The following ERG variants were observed in gnomAD, a reference collection of about 807,000 sequenced individuals.
ERG encodes transcriptional regulator ERG.
ERG carries 9 observed loss-of-function variants against 55.3 expected under a neutral mutation model. The observed-to-expected ratio is 0.16, with a 90% CI of 0.10 to 0.28. The LOEUF is 0.28. Ranked by LOEUF, ERG falls within the 10% of genes least tolerant of loss-of-function variation. The pLI, the probability that ERG is intolerant of heterozygous loss-of-function variation, is 1.00. For synonymous variants in ERG, 223 were observed against 237.3 expected (o/e 0.94, Z 0.55); for missense variants, 434 against 631.6 (o/e 0.69, Z 3.35).
intron 8 of ERG, 56 bp downstream of exon 8, chr21:38,391,603 G>A (rs1333960074): frequency 3.7e-6 from 5 of 1,367,580 alleles, no homozygotes; most frequent in Non-Finnish European, 5.1e-6. Flanking sequence ...TTTTAGAAAT[G>A]TGCTGCTGAG....
intron 1 of ERG, among the ~76,000 whole-genome samples, chr21:38,611,348 G>A (rs2060225956): frequency 6.6e-6 from 1 of 152,120 alleles, no homozygotes; most frequent in African/African-American, 2.4e-5. Context: ...ACCCGCCAAT[G>A]CTGGGCTTCC....
chr21:38,485,369 T>A (rs1355900275), intron 1 of ERG, among the ~76,000 whole-genome samples: 2 of 152,146 alleles, frequency 1.3e-5, no homozygotes, highest in African/African-American at 2.4e-5. Context: ...GTCAAAAAGT[T>A]TAAAAAATTA....
At chr21:38,376,358 G>A (rs1174534717), downstream of ERG, among the ~76,000 whole-genome samples, 1 of 152,190 alleles carries the variant, frequency 6.6e-6, no homozygotes. Context: ...ACACTCAGTT[G>A]TTACTCTCGC....
chr21:38,638,651 G>C (rs1430842813), intron 1 of ERG, among the ~76,000 whole-genome samples: 1 of 152,182 alleles, frequency 6.6e-6, no homozygotes, highest in African/African-American at 2.4e-5. Context: ...GCCAGAGGAT[G>C]GGGGGAGTCA....
chr21:38,498,623 T>A, upstream of ERG: 1 of 688,742 alleles, frequency 1.5e-6, no homozygotes, highest in Non-Finnish European at 2.1e-6. The surrounding 1 kb of genome is among the most constrained non-coding windows in gnomAD (Gnocchi z 4.6). Flanking sequence ...CTTGATGATA[T>A]GCAGCCAGGA....
At chr21:38,516,616 C>T (rs994550908) in intron 2 of ERG, among the ~76,000 whole-genome samples, 25 of 151,706 alleles carry the variant, frequency 1.6e-4, no homozygotes, top group Non-Finnish European at 3.1e-4. Flanking sequence ...AAAAAACAAT[C>T]CTAAAATTTA....
At chr21:38,578,684 T>A (rs886697304) in intron 1 of ERG, among the ~76,000 whole-genome samples, 1 of 151,924 alleles carries the variant, frequency 6.6e-6, no homozygotes, top group Non-Finnish European at 1.5e-5. Flanking sequence ...CGTTTGATCA[T>A]CCCATAGACA....
intron 1 of ERG, among the ~76,000 whole-genome samples, chr21:38,604,954 T>C (rs1165979816): frequency 6.6e-6 from 1 of 152,242 alleles, no homozygotes; most frequent in East Asian, 1.9e-4. Flanking sequence ...TCTTGCTTGC[T>C]TCTTTCTAAC....
intron 1 of ERG, chr21:38,471,062 G>A (rs1418448217): frequency 3.3e-5 from 5 of 152,240 alleles, no homozygotes; most frequent in Non-Finnish European, 7.3e-5. Context: ...GAGGTTGCCA[G>A]TGAGCAGTGC....
intron 1 of ERG, among the ~76,000 whole-genome samples, chr21:38,598,179 C>T (rs556997296): frequency 1.6e-4 from 25 of 152,330 alleles, no homozygotes; most frequent in African/African-American, 5.8e-4. Context: ...CCCATTTTCT[C>T]CCAGAACCCC....
chr21:38,414,807 C>A (rs1989208214), intron 3 of ERG, among the ~76,000 whole-genome samples: 1 of 120,324 alleles, frequency 8.3e-6, no homozygotes, highest in South Asian at 2.6e-4. Context: ...ACTGAAATCA[C>A]CTATTTTAAA....
downstream of ERG, among the ~76,000 whole-genome samples, chr21:38,379,436 T>A (rs1987330367): frequency 6.6e-6 from 1 of 152,244 alleles, no homozygotes; most frequent in African/African-American, 2.4e-5. Context: ...AAATTCTGCC[T>A]ACCTACTATT....
chr21:38,496,786 C>T (rs2059383153), intron 1 of ERG, among the ~76,000 whole-genome samples: 1 of 152,050 alleles, frequency 6.6e-6, no homozygotes, highest in South Asian at 2.1e-4. Flanking sequence ...GGATGTTTTG[C>T]AAAATGTACC....
At chr21:38,475,793 T>A (rs528697662) in intron 1 of ERG, among the ~76,000 whole-genome samples, 1 of 152,148 alleles carries the variant, frequency 6.6e-6, no homozygotes, top group Non-Finnish European at 1.5e-5. Context: ...ATCCCCCTGA[T>A]TGACAGCACT....
intron 2 of ERG, among the ~76,000 whole-genome samples, chr21:38,438,908 G>A (rs2058815436): frequency 6.6e-6 from 1 of 152,198 alleles, no homozygotes; most frequent in Non-Finnish European, 1.5e-5. Flanking sequence ...CTGCCACCCA[G>A]GTCTCTTCCG....
intron 6 of ERG, among the ~76,000 whole-genome samples, chr21:38,396,453 A>T (rs1383612123): frequency 6.6e-6 from 1 of 152,270 alleles, no homozygotes; most frequent in Non-Finnish European, 1.5e-5. Context: ...GCTGAAAAGC[A>T]CTAGGCTGTG....
At chr21:38,441,931 A>T (rs2058845091) in intron 2 of ERG, among the ~76,000 whole-genome samples, 1 of 152,170 alleles carries the variant, frequency 6.6e-6, no homozygotes, top group African/African-American at 2.4e-5. Flanking sequence ...CCACCGGAGG[A>T]CCCGGAGGAT....
intron 3 of ERG, among the ~76,000 whole-genome samples, chr21:38,421,646 A>G (rs369208244): frequency 1.7e-4 from 26 of 152,134 alleles, no homozygotes; most frequent in African/African-American, 6.3e-4. Context: ...GATTTCACCC[A>G]TGCATGCCCT....
At chr21:38,553,054 G>C (rs1005627323) in intron 2 of ERG, among the ~76,000 whole-genome samples, 3 of 151,994 alleles carry the variant, frequency 2.0e-5, no homozygotes, top group Non-Finnish European at 4.4e-5. Context: ...CAATGTCCAA[G>C]CTGAGAGCCA....
Sources: gnomAD v4.1 joint callset for allele counts (sites outside exome capture counted in the v4.1 genomes callset) on GRCh38, gnomAD v4.1.1 for gene constraint, Gnocchi (gnomAD v3.1) non-coding constraint, MANE v1.5 for transcripts, NCBI Gene and HGNC (gene_info 2026-07-23, HGNC 2026-07-21) for gene names.